NALF1: variants seen among roughly 807,000 people sequenced by gnomAD.
NALF1 encodes the protein NALCN channel auxiliary factor 1.
A neutral mutation model predicts 48.4 loss-of-function variants in NALF1; 3 were observed. The ratio of observed to expected loss-of-function variants is 0.06; its 90% CI spans 0.03 to 0.16. The LOEUF (loss-of-function observed/expected upper bound fraction) is 0.16. Among genes scored for constraint, NALF1 ranks in the 10% least tolerant of loss-of-function variants. NALF1 has a pLI of 1.00. For missense variants in NALF1, 526 were observed against 571.5 expected (o/e 0.92, Z 0.81); for synonymous variants, 262 against 245.7 (o/e 1.07, Z -0.62).
In NALF1 at chr13:107,418,039, G is replaced by A. The variant is rs149035799; in HGVS notation, c.916-207284C>T. Among the ~76,000 whole-genome samples, 460 of 152,292 alleles carry A rather than the reference G, an allele frequency of 3.0e-3. 4 individuals carry two copies. The highest frequency in any genetic ancestry group is 0.01 in the African/African-American group (436 of 41,584). On this transcript the variant is annotated intron_variant, in intron 1 of 2. Coordinates refer to ENST00000375915, the MANE Select transcript of NALF1 (RefSeq NM_001080396.3). ...TCACGCCATTGAACTCCAGGCTGGG[G>A]TGACAGAGCAAGACTGTGTCTCAAA...
intron 1 of NALF1, among the ~76,000 whole-genome samples, chr13:107,616,193 T>C (rs78593160): frequency 0.04 from 6,046 of 152,280 alleles, 426 homozygotes; most frequent in African/African-American, 0.14. Context: ...TAAAAGTTTA[T>C]CATCATAGAA....
intron 1 of NALF1, among the ~76,000 whole-genome samples, chr13:107,818,787 A>G (rs3858808): frequency 0.44 from 55,844 of 127,700 alleles, 14,088 homozygotes; most frequent in East Asian, 0.89. Flanking sequence ...CAGGAGAATG[A>G]CGTGAACCCG....
intron 1 of NALF1, among the ~76,000 whole-genome samples, chr13:107,500,058 G>A (rs888768713): frequency 1.3e-5 from 2 of 152,078 alleles, no homozygotes; most frequent in Non-Finnish European, 2.9e-5. Flanking sequence ...TTATGTATAA[G>A]ATTAGAAGTT....
Position 107,337,080 on chromosome 13 carries a change from T to G in NALF1, c.916-126325A>C, listed in dbSNP as rs938623090. Among the ~76,000 whole-genome samples, 5 of 126,760 alleles carry G rather than the reference T, an allele frequency of 3.9e-5. 1 individual carries two copies. Among genetic ancestry groups the G allele is most frequent in the South Asian group, 5.1e-4 (2 of 3,956 alleles). The allele number at this position is 126,760 out of a possible 152,430, so 83.2% of individuals were successfully genotyped here. A position where few individuals can be genotyped will look rare whatever the true frequency, so the allele number is the denominator to read the frequency against. On this transcript the variant is annotated intron_variant, in intron 1 of 2. Transcript: ENST00000375915. ...AAAAAAAAAAAAAAAAAAAAAAATG[T>G]CAGAAGAAAAGAGACTCTTTAGGCC...
At chr13:107,622,199 C>T (rs1176174555) in intron 1 of NALF1, among the ~76,000 whole-genome samples, 3 of 151,776 alleles carry the variant, frequency 2.0e-5, no homozygotes, top group Admixed American at 6.6e-5. Context: ...GAGGCCAAGG[C>T]GGGCAGATCA....
At chr13:107,390,380 G>T (rs1402214250) in intron 1 of NALF1, among the ~76,000 whole-genome samples, 2 of 151,782 alleles carry the variant, frequency 1.3e-5, no homozygotes, top group African/African-American at 4.8e-5. Flanking sequence ...TTATTAAAAG[G>T]TTATTAAAAA....
chr13:107,341,949 G>A (rs1316947859), intron 1 of NALF1, among the ~76,000 whole-genome samples: 4 of 151,826 alleles, frequency 2.6e-5, no homozygotes, highest in African/African-American at 9.7e-5. Flanking sequence ...CTCACAGAGA[G>A]TAAATTCTCA....
intron 1 of NALF1, among the ~76,000 whole-genome samples, chr13:107,310,680 A>G (rs913510562): frequency 6.6e-6 from 1 of 151,742 alleles, no homozygotes; most frequent in African/African-American, 2.4e-5. Context: ...ATTTATTATT[A>G]TTATTATTAT....
Position 107,457,449 on chromosome 13 carries a change from G to A in NALF1, c.916-246694C>T, listed in dbSNP as rs535026562. Reference sequence around the variant, plus strand: ...AAGTGAATGTGTGTCTACAAACACAGTGCAGAAAGCCAAGAAAGTGTAGCA... The same window carrying A: ...AAGTGAATGTGTGTCTACAAACACAATGCAGAAAGCCAAGAAAGTGTAGCA... On this transcript the variant is annotated intron_variant, in intron 1 of 2. Coordinates refer to ENST00000375915, the MANE Select transcript of NALF1 (RefSeq NM_001080396.3). Among the ~76,000 whole-genome samples the A allele has an allele frequency of 8.9e-4, 136 of 152,306 alleles. 2 individuals are homozygous for A. The highest frequency in any genetic ancestry group is 3.1e-3 in the African/African-American group (128 of 41,576).
At chr13:107,820,755 C>A (rs989475869) in intron 1 of NALF1, among the ~76,000 whole-genome samples, 2 of 152,144 alleles carry the variant, frequency 1.3e-5, no homozygotes, top group Admixed American at 6.5e-5. Flanking sequence ...CTGCTTACAG[C>A]GATTTTCCAG....
chr13:107,479,205 T>C lies in NALF1; in HGVS notation c.916-268450A>G, dbSNP rs1018542289. Among the ~76,000 whole-genome samples the C allele has an allele frequency of 3.3e-5, 5 of 152,228 alleles. No homozygotes were observed. The East Asian group carries it at 9.7e-4, about 29-fold the overall frequency. ...CTCCCTGCCCAGACACTCTAGTTTT[T>C]CAAAGTTTTTCCTGAACATTGGAAA... On this transcript the variant is annotated intron_variant, in intron 1 of 2. Transcript: ENST00000375915.
intron 1 of NALF1, among the ~76,000 whole-genome samples, chr13:107,787,114 T>C (rs1446466729): frequency 6.6e-6 from 1 of 152,244 alleles, no homozygotes; most frequent in Non-Finnish European, 1.5e-5. Context: ...ATCTATTATG[T>C]ACATCTAATA....
chr13:107,480,301 T>G (rs1483617744), intron 1 of NALF1, among the ~76,000 whole-genome samples: 2 of 152,148 alleles, frequency 1.3e-5, no homozygotes, highest in African/African-American at 4.8e-5. Flanking sequence ...CCCCTTTTAA[T>G]AGTAAAACAT....
intron 1 of NALF1, among the ~76,000 whole-genome samples, chr13:107,234,283 G>A (rs1441078363): frequency 6.6e-6 from 1 of 152,124 alleles, no homozygotes; most frequent in Non-Finnish European, 1.5e-5. Flanking sequence ...AACTTTCCCC[G>A]GGGCTTAGGT....
chr13:107,490,203 C>G (rs1469876796), intron 1 of NALF1, among the ~76,000 whole-genome samples: 1 of 152,148 alleles, frequency 6.6e-6, no homozygotes, highest in Non-Finnish European at 1.5e-5. Flanking sequence ...TATCATTCAA[C>G]CCAGCAATTC....
At chr13:107,303,901 C>CTTAA (rs1377021117) in intron 1 of NALF1, among the ~76,000 whole-genome samples, 3 of 151,896 alleles carry the variant, frequency 2.0e-5, no homozygotes, top group Non-Finnish European at 4.4e-5. Flanking sequence ...AAAGTATTTC[C>CTTAA]TTAATTTATT....
At chr13:107,502,624 C>G (rs563154563) in intron 1 of NALF1, among the ~76,000 whole-genome samples, 1 of 152,072 alleles carries the variant, frequency 6.6e-6, no homozygotes, top group African/African-American at 2.4e-5. Context: ...TGAAAACTTC[C>G]GTCAGATATT....
At chr13:107,597,843 T>C (rs1455650836) in intron 1 of NALF1, among the ~76,000 whole-genome samples, 2 of 152,092 alleles carry the variant, frequency 1.3e-5, no homozygotes, top group Non-Finnish European at 2.9e-5. Flanking sequence ...TAGAAAAATA[T>C]CTCAGTTGTT....
intron 1 of NALF1, among the ~76,000 whole-genome samples, chr13:107,848,416 T>A (rs578076487): frequency 6.6e-6 from 1 of 152,210 alleles, no homozygotes; most frequent in South Asian, 2.1e-4. Flanking sequence ...AATAGTTTAC[T>A]ATGGTTCATT....
Sources: gnomAD v4.1 joint callset for allele counts (sites outside exome capture counted in the v4.1 genomes callset) on GRCh38, gnomAD v4.1.1 for gene constraint, MANE v1.5 for transcripts, NCBI Gene and HGNC (gene_info 2026-07-23, HGNC 2026-07-21) for gene names.